DNAJB6: variants seen among roughly 807,000 people sequenced by gnomAD.
The protein encoded by DNAJB6 is dnaJ homolog subfamily B member 6.
In DNAJB6, 16 loss-of-function variants were observed where a neutral mutation model predicts 42.7. That is an observed-to-expected ratio of 0.37 (90% CI 0.25 to 0.57). The LOEUF (loss-of-function observed/expected upper bound fraction) is 0.57, where lower values mean the gene tolerates loss of function less well. DNAJB6 is among the 20% of genes least tolerant of loss of function. The pLI, the probability that DNAJB6 is intolerant of heterozygous loss-of-function variation, is 0.74. For synonymous variants in DNAJB6, 170 were observed against 163.5 expected (o/e 1.04, Z -0.30); for missense variants, 347 against 416.8 (o/e 0.83, Z 1.46).
chr7:157,392,136 T>C (rs920260905), intron 8 of DNAJB6, among the ~76,000 whole-genome samples: 1 of 151,260 alleles, frequency 6.6e-6, no homozygotes, highest in Non-Finnish European at 1.5e-5. Context: ...ATAAATGATT[T>C]CTTAGAAGGA....
intron 8 of DNAJB6, among the ~76,000 whole-genome samples, chr7:157,387,880 C>T (rs994838422): frequency 1.3e-5 from 2 of 152,132 alleles, no homozygotes; most frequent in Non-Finnish European, 2.9e-5. Flanking sequence ...GAGTCTTGCT[C>T]TGTCATCCAG....
intron 8 of DNAJB6, among the ~76,000 whole-genome samples, chr7:157,402,090 G>A (rs1371342002): frequency 6.6e-6 from 1 of 152,294 alleles, no homozygotes; most frequent in African/African-American, 2.4e-5. Flanking sequence ...GGCTTCTGCC[G>A]CACTCCGCAT....
chr7:157,353,437 T>C (rs6969642), intron 1 of DNAJB6, among the ~76,000 whole-genome samples: 84,640 of 151,924 alleles, frequency 0.56, 23,918 homozygotes, highest in East Asian at 0.77. Flanking sequence ...CGCTACAGTA[T>C]TGTTAAATGT....
intron 1 of DNAJB6, among the ~76,000 whole-genome samples, chr7:157,353,510 C>G (rs568688641): frequency 6.6e-6 from 1 of 151,540 alleles, no homozygotes; most frequent in Non-Finnish European, 1.5e-5. Flanking sequence ...AGAAACCATC[C>G]GAGGAACCCA....
At chr7:157,409,761 A>C in intron 8 of DNAJB6, 34 bp from the exon 9 acceptor site, 1 of 1,494,688 alleles carries the variant, frequency 6.7e-7, no homozygotes. Context: ...GCCGCCGCTC[A>C]CTCACGGCTC....
chr7:157,372,866 TCTC>T (rs1563130943), intron 5 of DNAJB6, among the ~76,000 whole-genome samples: 2 of 152,264 alleles, frequency 1.3e-5, no homozygotes, highest in East Asian at 3.9e-4. Flanking sequence ...CAGCTGTTCT[TCTC>T]CCTACATTTG....
chr7:157,370,035 T>C (rs916112568), intron 5 of DNAJB6, among the ~76,000 whole-genome samples: 23 of 143,052 alleles, frequency 1.6e-4, no homozygotes, highest in Admixed American at 9.7e-4. Flanking sequence ...TTCTTAACAT[T>C]ATTATTAAAC....
chr7:157,338,561 A>C (rs1435726430), intron 1 of DNAJB6, among the ~76,000 whole-genome samples: 2 of 152,114 alleles, frequency 1.3e-5, no homozygotes, highest in African/African-American at 4.8e-5. Context: ...TCTCGAACTT[A>C]TGACCTAAAG....
At chr7:157,376,545 A>G (rs1800482277) in intron 5 of DNAJB6, among the ~76,000 whole-genome samples, 1 of 152,200 alleles carries the variant, frequency 6.6e-6, no homozygotes, top group Admixed American at 6.5e-5. Flanking sequence ...AGTCCCAAGA[A>G]CATGTGTCCA....
chr7:157,390,650 C>T (rs1801296062), intron 8 of DNAJB6, among the ~76,000 whole-genome samples: 1 of 152,148 alleles, frequency 6.6e-6, no homozygotes, highest in Non-Finnish European at 1.5e-5. Flanking sequence ...ATGTGGTTTG[C>T]TTCCCGTGTG....
chr7:157,338,579 C>G (rs1420796473), intron 1 of DNAJB6, among the ~76,000 whole-genome samples: 1 of 152,250 alleles, frequency 6.6e-6, no homozygotes, highest in African/African-American at 2.4e-5. Context: ...AAGTGATCGC[C>G]TGCCTCGGCC....
intron 2 of DNAJB6, among the ~76,000 whole-genome samples, chr7:157,360,684 A>G (rs1799539533): frequency 6.6e-6 from 1 of 152,220 alleles, no homozygotes; most frequent in African/African-American, 2.4e-5. Context: ...GAGCAGAATG[A>G]TAGCTATGGG....
chr7:157,396,764 C>G (rs553049586), intron 8 of DNAJB6, among the ~76,000 whole-genome samples: 9 of 152,242 alleles, frequency 5.9e-5, no homozygotes, highest in African/African-American at 1.9e-4. Context: ...GGGAAATGGG[C>G]ACAAATCAAA....
chr7:157,392,226 C>T (rs766087018), intron 8 of DNAJB6, among the ~76,000 whole-genome samples: 4 of 152,042 alleles, frequency 2.6e-5, no homozygotes, highest in Middle Eastern at 3.4e-3. Context: ...CTAAAATTTG[C>T]GTCTTGGCTA....
intron 9 of DNAJB6, chr7:157,411,734 G>C (rs1046095913): frequency 7.6e-6 from 1 of 132,440 alleles, no homozygotes; most frequent in Admixed American, 8.0e-5. Flanking sequence ...CTCCTGGAAC[G>C]GCACCCACCG....
chr7:157,387,417 T>G (rs1048205288), intron 8 of DNAJB6, among the ~76,000 whole-genome samples: 1 of 152,194 alleles, frequency 6.6e-6, no homozygotes, highest in Non-Finnish European at 1.5e-5. Flanking sequence ...ACTAGCATTG[T>G]GCGATCATAG....
chr7:157,367,279 A>T, intron 4 of DNAJB6, 94 bp from the exon 5 acceptor site: 1 of 835,938 alleles, frequency 1.2e-6, no homozygotes, highest in African/African-American at 1.7e-5. Flanking sequence ...TGTTTTTATT[A>T]GTTCATGATT....
intron 5 of DNAJB6, 198 bp from the exon 6 acceptor site, chr7:157,382,048 G>T: frequency 2.1e-6 from 1 of 477,312 alleles, no homozygotes; most frequent in Non-Finnish European, 3.6e-6. Context: ...TGTAGTTTTA[G>T]TTGAATTAAA....
chr7:157,404,796 G>A (rs543193215), intron 8 of DNAJB6, among the ~76,000 whole-genome samples: 115 of 152,168 alleles, frequency 7.6e-4, no homozygotes, highest in African/African-American at 2.2e-3. Flanking sequence ...GTGAGCCACC[G>A]TGCCTGGCCC....
Sources: gnomAD v4.1 joint callset for allele counts (sites outside exome capture counted in the v4.1 genomes callset) on GRCh38, gnomAD v4.1.1 for gene constraint, MANE v1.5 for transcripts, NCBI Gene and HGNC (gene_info 2026-07-23, HGNC 2026-07-21) for gene names.